The following BACH2 variants were observed in gnomAD, a reference collection of about 807,000 sequenced individuals.
The protein encoded by BACH2 is BACH transcriptional regulator 2.
In BACH2, 5 loss-of-function variants were observed where a neutral mutation model predicts 61.8. The ratio of observed to expected loss-of-function variants is 0.08; its 90% CI spans 0.04 to 0.17. The LOEUF (loss-of-function observed/expected upper bound fraction) is 0.17, where lower values mean the gene tolerates loss of function less well. Ranked by LOEUF, BACH2 falls within the 10% of genes least tolerant of loss-of-function variation. The pLI is 1.00. For synonymous variants in BACH2, 446 were observed against 440.1 expected, an observed-to-expected ratio of 1.01 and a Z score of -0.17; for missense variants, 824 against 1,091.1, an observed-to-expected ratio of 0.76 and a Z score of 3.45.
intron 4 of BACH2, among the ~76,000 whole-genome samples, chr6:90,169,861 C>T (rs1767753775): frequency 6.6e-6 from 1 of 152,146 alleles, no homozygotes; most frequent in African/African-American, 2.4e-5. Context: ...AGATATTTAG[C>T]CCCCTTTGAT....
chr6:89,932,296 T>G lies in BACH2; in HGVS notation c.*112A>C, dbSNP rs1772699387. Reference sequence around the variant, plus strand: ...TATTGCTGCTAAGACCGCTGTAGTGTGCACCAAATGTGTTCTCGGTTTCTT... The same window carrying G: ...TATTGCTGCTAAGACCGCTGTAGTGGGCACCAAATGTGTTCTCGGTTTCTT... On this transcript the variant is annotated 3_prime_UTR_variant, in exon 9 of 9. Transcript: ENST00000257749. 1 of 1,388,666 alleles carries G rather than the reference T, an allele frequency of 7.2e-7. No individual in the cohort carries two copies. Among genetic ancestry groups the G allele is most frequent in the Non-Finnish European group, 9.9e-7 (1 of 1,012,304 alleles). 86.0% of individuals were successfully genotyped at this position (1,388,666 alleles called of 1,614,324 possible).
chr6:90,011,100 A>G (rs1777678995), intron 5 of BACH2, among the ~76,000 whole-genome samples: 1 of 152,188 alleles, frequency 6.6e-6, no homozygotes, highest in Non-Finnish European at 1.5e-5. Flanking sequence ...CCAAAAAACC[A>G]TCTTGGTGTC....
chr6:90,295,654 G>GGTGTAT, intron 1 of BACH2, among the ~76,000 whole-genome samples: 1 of 147,828 alleles, frequency 6.8e-6, no homozygotes, highest in African/African-American at 2.5e-5. Flanking sequence ...TGGAGTGTAG[G>GGTGTAT]GTGTGTGTGT....
intron 6 of BACH2, among the ~76,000 whole-genome samples, chr6:89,998,467 C>T (rs1184051633): frequency 6.6e-6 from 1 of 151,990 alleles, no homozygotes; most frequent in Admixed American, 6.6e-5. Context: ...ACTATGTGTA[C>T]CAAATTAATG....
chr6:90,062,486 G>C lies in BACH2; in HGVS notation c.-13+26475C>G, dbSNP rs1780735456. 2.0e-5 allele frequency among the ~76,000 whole-genome samples: 3 copies of C among 152,084 alleles called. No homozygotes were observed. The South Asian group carries it at 6.2e-4, about 32-fold the overall frequency. ...ACTGAATCCTAAAGGTCTTAGAATGGACACCTCACTATCCCTTGGGAATTA... is the reference window on the plus strand; with the variant it reads ...ACTGAATCCTAAAGGTCTTAGAATGCACACCTCACTATCCCTTGGGAATTA... On this transcript the variant is annotated intron_variant, in intron 5 of 8. Coordinates refer to ENST00000257749, the MANE Select transcript of BACH2 (RefSeq NM_021813.4).
chr6:90,018,084 T>C (rs2127784027), intron 5 of BACH2, among the ~76,000 whole-genome samples: 1 of 152,354 alleles, frequency 6.6e-6, no homozygotes, highest in East Asian at 1.9e-4. Flanking sequence ...CTCTATCTAA[T>C]GACCCCTGAT....
At chr6:90,158,945 C>G (rs1314967986) in intron 4 of BACH2, among the ~76,000 whole-genome samples, 1 of 152,208 alleles carries the variant, frequency 6.6e-6, no homozygotes, top group Non-Finnish European at 1.5e-5. Context: ...TAAACTACAT[C>G]ATAATCTCTC....
At chr6:90,257,776 T>C (rs1771028708) in intron 2 of BACH2, among the ~76,000 whole-genome samples, 1 of 152,096 alleles carries the variant, frequency 6.6e-6, no homozygotes, top group Non-Finnish European at 1.5e-5. Flanking sequence ...TGTAGTCCCA[T>C]TTATTTATTT....
intron 5 of BACH2, among the ~76,000 whole-genome samples, chr6:90,025,803 A>G (rs557124311): frequency 6.6e-6 from 1 of 152,362 alleles, no homozygotes; most frequent in Admixed American, 6.5e-5. Flanking sequence ...TTTGACTCAG[A>G]GCAATCTTCA....
intron 2 of BACH2, among the ~76,000 whole-genome samples, chr6:90,255,335 G>C (rs956337313): frequency 6.6e-6 from 1 of 152,188 alleles, no homozygotes; most frequent in African/African-American, 2.4e-5. Context: ...CTAAGAGCAA[G>C]TAAGTACTAG....
At chr6:90,043,222 A>C (rs546374756) in intron 5 of BACH2, among the ~76,000 whole-genome samples, 1 of 152,286 alleles carries the variant, frequency 6.6e-6, no homozygotes, top group Admixed American at 6.5e-5. Flanking sequence ...TGTGTCCCCC[A>C]AAAGTTCATG....
At chr6:90,069,822 A>C (rs1336846284) in intron 5 of BACH2, among the ~76,000 whole-genome samples, 1 of 152,208 alleles carries the variant, frequency 6.6e-6, no homozygotes, top group African/African-American at 2.4e-5. Flanking sequence ...GAAGCAGAGG[A>C]GGAAGGAAGA....
In BACH2 at chr6:90,054,941, G is replaced by A. The variant is rs534956742; in HGVS notation, c.-13+34020C>T. 2.4e-3 allele frequency among the ~76,000 whole-genome samples: 366 copies of A among 152,174 alleles called. 2 individuals carry two copies. The highest frequency in any genetic ancestry group is 8.4e-3 in the African/African-American group (347 of 41,534). Reference sequence around the variant, plus strand: ...TCTGTTAGAAGGAAAACTAACAAACGGAAAGGACATCCACACCAAAAACCC... The same window carrying A: ...TCTGTTAGAAGGAAAACTAACAAACAGAAAGGACATCCACACCAAAAACCC... On this transcript the variant is annotated intron_variant, in intron 5 of 8. Coordinates refer to ENST00000257749, the MANE Select transcript of BACH2 (RefSeq NM_021813.4).
intron 4 of BACH2, among the ~76,000 whole-genome samples, chr6:90,153,193 A>G (rs1356304776): frequency 1.3e-5 from 2 of 152,214 alleles, no homozygotes; most frequent in Admixed American, 6.5e-5. Context: ...ATCTAAAAAT[A>G]TAATTTTCAG....
At chr6:89,999,908 G>T (rs1298226954) in intron 6 of BACH2, among the ~76,000 whole-genome samples, 2 of 152,166 alleles carry the variant, frequency 1.3e-5, no homozygotes, top group Non-Finnish European at 2.9e-5. Context: ...ATAGTGAAAA[G>T]AAATCTTAAA....
chr6:90,015,566 T>TGG (rs1303910235), intron 5 of BACH2, among the ~76,000 whole-genome samples: 1 of 152,206 alleles, frequency 6.6e-6, no homozygotes, highest in Non-Finnish European at 1.5e-5. Flanking sequence ...TCCAAATATT[T>TGG]GGGGGAGTTT....
At chr6:90,256,705 G>A (rs571447792) in intron 2 of BACH2, among the ~76,000 whole-genome samples, 1 of 152,296 alleles carries the variant, frequency 6.6e-6, no homozygotes, top group Admixed American at 6.5e-5. Context: ...AAAGGTTACT[G>A]TAGTGAAGCA....
intron 5 of BACH2, among the ~76,000 whole-genome samples, chr6:90,019,385 A>C (rs1778255461): frequency 6.6e-6 from 1 of 152,214 alleles, no homozygotes. Context: ...TGCAGTGGAA[A>C]CAGGAGTGGA....
chr6:90,200,234 G>A (rs1768912608), intron 4 of BACH2, among the ~76,000 whole-genome samples: 3 of 152,146 alleles, frequency 2.0e-5, no homozygotes, highest in South Asian at 2.1e-4. Flanking sequence ...CAGACAGCCT[G>A]AAAGGGTCTA....
Sources: gnomAD v4.1 joint callset for allele counts (sites outside exome capture counted in the v4.1 genomes callset) on GRCh38, gnomAD v4.1.1 for gene constraint, MANE v1.5 for transcripts, NCBI Gene and HGNC (gene_info 2026-07-23, HGNC 2026-07-21) for gene names.